ARID4B: variants seen among roughly 807,000 people sequenced by gnomAD.
ARID4B encodes AT-rich interactive domain-containing protein 4B.
Under a neutral mutation model 147.5 loss-of-function variants are expected in ARID4B, and 26 were observed. The ratio of observed to expected loss-of-function variants is 0.18; its 90% CI spans 0.13 to 0.24. The LOEUF (loss-of-function observed/expected upper bound fraction) is 0.24, where lower values mean the gene tolerates loss of function less well. Ranked by LOEUF, ARID4B falls within the 10% of genes least tolerant of loss-of-function variation. The pLI, the probability that ARID4B is intolerant of heterozygous loss-of-function variation, is 1.00. For missense variants in ARID4B, 1,179 were observed against 1,511.5 expected, an observed-to-expected ratio of 0.78 and a Z score of 3.65; for synonymous variants, 512 against 507.9, an observed-to-expected ratio of 1.01 and a Z score of -0.11.
intron 7 of ARID4B, 114 bp from the exon 8 acceptor site, chr1:235,240,565 G>A: frequency 2.1e-6 from 2 of 951,756 alleles, no homozygotes; most frequent in South Asian, 1.6e-5. Flanking sequence ...CCTGTAAAAT[G>A]GCTAATTTAA....
rs369010617 is a variant in ARID4B at position 235,255,741 on chromosome 1, T to C, written c.193A>G (p.Ile65Val). Reference sequence around the variant, plus strand: ...CCATCAAGATTCTTCACTTCCACAATAGCTCCTACCTAAAGTATTTTTAAA... The same window carrying C: ...CCATCAAGATTCTTCACTTCCACAACAGCTCCTACCTAAAGTATTTTTAAA... ...HIKGPLKVGA[I>V]VEVKNLDGAY... The change falls in exon 5 of 24, where the codon ATT (isoleucine) becomes GTT (valine). Residue 65 changes from isoleucine to valine, a missense_variant. Physicochemically the swap from Ile to Val is conservative, Grantham distance 29 (BLOSUM62 3). Transcript: ENST00000264183. The C allele has an allele frequency of 1.9e-6, 3 of 1,607,768 alleles. No homozygotes were observed. Among genetic ancestry groups the C allele is most frequent in the Non-Finnish European group, 2.5e-6 (3 of 1,176,834 alleles).
At chr1:235,179,193 T>C (rs973749806) in intron 20 of ARID4B, among the ~76,000 whole-genome samples, 8 of 152,130 alleles carry the variant, frequency 5.3e-5, no homozygotes, top group African/African-American at 1.9e-4. Flanking sequence ...CCAATATTCA[T>C]AGTAAGTAAA....
chr1:235,256,045 G>A (rs1046388593), intron 4 of ARID4B, among the ~76,000 whole-genome samples: 2 of 151,686 alleles, frequency 1.3e-5, no homozygotes, highest in African/African-American at 4.8e-5. Flanking sequence ...GTGGTGGCAG[G>A]CGCCTGTAAT....
intron 17 of ARID4B, among the ~76,000 whole-genome samples, chr1:235,204,963 C>A (rs1433717405): frequency 6.6e-6 from 1 of 152,040 alleles, no homozygotes; most frequent in East Asian, 1.9e-4. Flanking sequence ...TACTCAAAAT[C>A]TATGGTTAAC....
intron 11 of ARID4B, among the ~76,000 whole-genome samples, chr1:235,227,386 G>C (rs1667897211): frequency 6.6e-6 from 1 of 152,160 alleles, no homozygotes; most frequent in African/African-American, 2.4e-5. Context: ...CAGTCAGGGA[G>C]AAGACTGAAG....
At chr1:235,248,951 T>C (rs1572073958) in intron 6 of ARID4B, among the ~76,000 whole-genome samples, 1 of 152,192 alleles carries the variant, frequency 6.6e-6, no homozygotes, top group Non-Finnish European at 1.5e-5. Flanking sequence ...CCCTGTTACC[T>C]AAAATGGGCT....
At chr1:235,178,586 A>G (rs575638641) in intron 20 of ARID4B, among the ~76,000 whole-genome samples, 11 of 152,296 alleles carry the variant, frequency 7.2e-5, no homozygotes, top group African/African-American at 2.6e-4. Flanking sequence ...CTTCACTAAG[A>G]TGTTCCAGGC....
Position 235,168,562 on chromosome 1 carries a change from C to T in ARID4B, c.3902G>A (p.Ser1301Asn), listed in dbSNP as rs1298453819. 1 of 1,614,082 alleles carries T rather than the reference C, an allele frequency of 6.2e-7. No individual in the cohort carries two copies. The highest frequency in any genetic ancestry group is 1.7e-5 in the Admixed American group (1 of 59,996). Residue 1301 changes from serine (S) to asparagine (N), a missense_variant, in exon 24 of 24, where the codon AGC (serine) becomes AAC (asparagine). By Grantham distance (46) the Ser-to-Asn change is conservative (BLOSUM62 1). Around this residue, in one of 10 missense-constraint regions of ARID4B, gnomAD observed 357 missense variants for 427.3 expected, o/e 0.84. Coordinates refer to ENST00000264183, the MANE Select transcript of ARID4B (RefSeq NM_016374.6). ...AACTGACATTCCATTTTGTGATGCGCTGGACATTGACGGTTCAGCTAAAGT... is the reference window on the plus strand; with the variant it reads ...AACTGACATTCCATTTTGTGATGCGTTGGACATTGACGGTTCAGCTAAAGT... ...MLTLAEPSMS[S>N]ASQNGMSVEC...
Position 235,176,588 on chromosome 1 carries a change from A to G in ARID4B, c.3449-1189T>C, listed in dbSNP as rs74589308. ...CACCACTGGTTGACACATATACACA[A>G]ATTCCCTCCCAGCTCCCCCACTGCT... is the stretch of plus-strand genomic sequence containing the variant. On this transcript the variant is annotated intron_variant, in intron 21 of 23. Transcript: ENST00000264183. Among the ~76,000 whole-genome samples, 1,177 of 152,100 alleles carry G rather than the reference A, an allele frequency of 7.7e-3. 17 individuals carry two copies. The highest frequency in any genetic ancestry group is 0.027 in the African/African-American group (1,135 of 41,498).
intron 2 of ARID4B, among the ~76,000 whole-genome samples, chr1:235,272,470 A>G (rs545361954): frequency 6.6e-6 from 1 of 152,178 alleles, no homozygotes; most frequent in Non-Finnish European, 1.5e-5. Context: ...GATTCCTCTT[A>G]AGTTGAATAT....
chr1:235,182,615 A>C lies in ARID4B; in HGVS notation c.2304T>G (p.Asp768Glu). 1 of 1,613,628 alleles carries C rather than the reference A, an allele frequency of 6.2e-7. No individual in the cohort carries two copies. Among genetic ancestry groups the C allele is most frequent in the African/African-American group, 1.3e-5 (1 of 75,028 alleles). Reference sequence around the variant, plus strand: ...TTGACACTGGTTTGGATATTACCAAATCTGCATGAACTTTGTTTTCTTCTA... The same window carrying C: ...TTGACACTGGTTTGGATATTACCAACTCTGCATGAACTTTGTTTTCTTCTA... ...SLLEENKVHA[D>E]LVISKPVSKS... The change falls in exon 20 of 24, where the codon GAT becomes GAG. Residue 768 changes from aspartate (D) to glutamate (E), a missense_variant. Transcript: ENST00000264183.
intron 7 of ARID4B, among the ~76,000 whole-genome samples, chr1:235,245,624 AAGC>A (rs1297216347): frequency 2.6e-5 from 4 of 152,222 alleles, no homozygotes; most frequent in Admixed American, 2.6e-4. Flanking sequence ...AAACACCAGG[AAGC>A]AGAATTTTTA....
rs1197889535 is a variant in ARID4B, at chr1:235,328,159, G to C, written c.-440C>G. 6.5e-6 allele frequency: 1 copy of C among 153,046 alleles called. No homozygotes were observed. Among genetic ancestry groups the C allele is most frequent in the Non-Finnish European group, 1.5e-5 (1 of 68,414 alleles). 9.5% of individuals were successfully genotyped at this position (153,046 alleles called of 1,614,324 possible). On this transcript the variant is annotated 5_prime_UTR_variant, in exon 1 of 24. Coordinates refer to ENST00000264183, the MANE Select transcript of ARID4B (RefSeq NM_016374.6). The stretch of plus-strand genomic sequence containing the variant: ...CTTCGGCGACCGAGCTCCTCACTCC[G>C]GACTCGACTGACGGGCAAACATCGC...
At position 235,230,725 on chromosome 1, in the gene ARID4B, C is replaced by T. The variant is rs536578141; in HGVS notation, c.742+388G>A. Among the ~76,000 whole-genome samples, 195 of 151,690 alleles carry T rather than the reference C, an allele frequency of 1.3e-3. 1 individual carries two copies. Among genetic ancestry groups the T allele is most frequent in the African/African-American group, 4.6e-3 (191 of 41,368 alleles). Reference sequence around the variant, plus strand: ...CTGCCTGAGCTCAGGAGTTCGAGACCGGCCTGGGCAACACGGTGAAACCCC... The same window carrying T: ...CTGCCTGAGCTCAGGAGTTCGAGACTGGCCTGGGCAACACGGTGAAACCCC... On this transcript the variant is annotated intron_variant, in intron 10 of 23. Transcript: ENST00000264183.
In ARID4B at chr1:235,187,143, G is replaced by A. The variant is rs189597643; in HGVS notation, c.2126-4350C>T. ...GTTACCCAGGCTGGAGCGCAATGGC[G>A]TGATCTCAGCTCACCGCAACCTCCG... is the stretch of plus-strand genomic sequence containing the variant. On this transcript the variant is annotated intron_variant, in intron 19 of 23. Transcript: ENST00000264183. 7.1e-4 allele frequency: 230 copies of A among 325,692 alleles called. 1 individual carries two copies. Among genetic ancestry groups the A allele is most frequent in the African/African-American group, 4.6e-3 (187 of 40,922 alleles). The allele number at this position is 325,692 out of a possible 1,614,324, so 20.2% of individuals were successfully genotyped here. A position where few individuals can be genotyped will look rare whatever the true frequency, so the allele number is the denominator to read the frequency against.
Position 235,281,338 on chromosome 1 carries a change from G to A in ARID4B, c.7-20586C>T, listed in dbSNP as rs557827683. Among the ~76,000 whole-genome samples the A allele has an allele frequency of 2.0e-5, 3 of 152,242 alleles. No individual in the cohort carries two copies. In the South Asian group the frequency reaches 6.2e-4, roughly 32 times the overall value. ...GGCTGAGGCGGGTGGCTCACCTGAG[G>A]TAAGGAGTTCAAGACTAGCCTGGCC... On this transcript the variant is annotated intron_variant, in intron 2 of 23. Coordinates refer to ENST00000264183, the MANE Select transcript of ARID4B (RefSeq NM_016374.6).
intron 6 of ARID4B, among the ~76,000 whole-genome samples, chr1:235,248,102 G>A (rs1401263514): frequency 6.6e-6 from 1 of 152,150 alleles, no homozygotes; most frequent in African/African-American, 2.4e-5. Context: ...AGGCTGGAGT[G>A]CAGTGGCGGC....
At chr1:235,296,835 A>AGAGAAAG (rs766793546) in intron 2 of ARID4B, among the ~76,000 whole-genome samples, 10,061 of 19,242 alleles carry the variant, frequency 0.52, 1,726 homozygotes, top group Middle Eastern at 0.61. Flanking sequence ...GGAAGGAAGG[A>AGAGAAAG]AGGGAGGAAG....
At chr1:235,268,724 G>C (rs185924555) in intron 2 of ARID4B, among the ~76,000 whole-genome samples, 136 of 152,146 alleles carry the variant, frequency 8.9e-4, no homozygotes, top group Non-Finnish European at 1.4e-3. Context: ...CACCATGTTG[G>C]TCAGGCTGGT....
Sources: gnomAD v4.1 joint callset for allele counts (sites outside exome capture counted in the v4.1 genomes callset) on GRCh38, gnomAD v4.1.1 for gene constraint, gnomAD v4.1.1 regional missense constraint, MANE v1.5 for transcripts, NCBI Gene and HGNC (gene_info 2026-07-23, HGNC 2026-07-21) for gene names.